The following KCNQ3 variants were observed in gnomAD, a reference collection of about 807,000 sequenced individuals.
KCNQ3 encodes potassium voltage-gated channel subfamily Q member 3.
Under a neutral mutation model 92.5 loss-of-function variants are expected in KCNQ3, and 30 were observed. The observed-to-expected ratio is 0.32, with a 90% CI of 0.24 to 0.44. The LOEUF (loss-of-function observed/expected upper bound fraction) is 0.44, where lower values mean the gene tolerates loss of function less well. Among genes scored for constraint, KCNQ3 ranks in the 20% least tolerant of loss-of-function variants. The pLI is 1.00. For synonymous variants in KCNQ3, 450 were observed against 468.8 expected (o/e 0.96, Z 0.52); for missense variants, 913 against 1,140.3 (o/e 0.80, Z 2.87).
At chr8:132,140,304 T>C (rs1825246042) in intron 10 of KCNQ3, 126 bp from the exon 11 acceptor site, 1 of 659,766 alleles carries the variant, frequency 1.5e-6, no homozygotes, top group Non-Finnish European at 2.7e-6. Context: ...ATTTCCACGT[T>C]GCAAGACTCC....
intron 1 of KCNQ3, among the ~76,000 whole-genome samples, chr8:132,477,350 T>TAAAAAA (rs5895143): frequency 7.0e-6 from 1 of 143,670 alleles, no homozygotes; most frequent in Non-Finnish European, 1.5e-5. Context: ...CATTTTAATT[T>TAAAAAA]AAAAAAAAAA....
At chr8:132,350,125 A>G (rs1256487183) in intron 1 of KCNQ3, among the ~76,000 whole-genome samples, 4 of 152,250 alleles carry the variant, frequency 2.6e-5, no homozygotes, top group African/African-American at 9.6e-5. Context: ...TGGCACACTT[A>G]GTGAGGTGAA....
In KCNQ3 at chr8:132,468,384, T is replaced by C. The variant is rs573659512; in HGVS notation, c.386+11763A>G. ...TCTTGTTGGATAAGATTTCACTCCATCTCTCCAAGAAGACACCATCAAGGC... is the reference window on the plus strand; with the variant it reads ...TCTTGTTGGATAAGATTTCACTCCACCTCTCCAAGAAGACACCATCAAGGC... On this transcript the variant is annotated intron_variant, in intron 1 of 14. Coordinates refer to ENST00000388996, the MANE Select transcript of KCNQ3 (RefSeq NM_004519.4). Among the ~76,000 whole-genome samples the C allele has an allele frequency of 7.9e-5, 12 of 152,258 alleles. No homozygotes were observed. The South Asian group carries it at 1.2e-3, about 16-fold the overall frequency.
chr8:132,267,362 G>A (rs752590068), intron 1 of KCNQ3, among the ~76,000 whole-genome samples: 3 of 152,074 alleles, frequency 2.0e-5, no homozygotes, highest in Non-Finnish European at 4.4e-5. Flanking sequence ...TATTGCCCAC[G>A]TCCTCTGTGC....
At chr8:132,214,701 C>T (rs1024965103) in intron 1 of KCNQ3, among the ~76,000 whole-genome samples, 1 of 152,226 alleles carries the variant, frequency 6.6e-6, no homozygotes, top group Non-Finnish European at 1.5e-5. Context: ...CATGGCAAAA[C>T]ATGTTTATGT....
At chr8:132,170,795 T>A (rs1229124955) in intron 7 of KCNQ3, among the ~76,000 whole-genome samples, 1 of 149,498 alleles carries the variant, frequency 6.7e-6, no homozygotes, top group Non-Finnish European at 1.5e-5. Flanking sequence ...GAGGATCACT[T>A]GAGGCCAAGA....
chr8:132,227,767 C>T (rs1814479398), intron 1 of KCNQ3, among the ~76,000 whole-genome samples: 1 of 152,146 alleles, frequency 6.6e-6, no homozygotes, highest in Non-Finnish European at 1.5e-5. Context: ...CCAGTGGTCA[C>T]ACCAGTTATA....
At chr8:132,344,998 T>C (rs1268781263) in intron 1 of KCNQ3, among the ~76,000 whole-genome samples, 3 of 152,180 alleles carry the variant, frequency 2.0e-5, no homozygotes, top group Non-Finnish European at 2.9e-5. Flanking sequence ...TTCAGCTCCA[T>C]GTGATCAATG....
intron 13 of KCNQ3, among the ~76,000 whole-genome samples, chr8:132,132,864 A>AT (rs1383228385): frequency 5.9e-5 from 9 of 151,866 alleles, no homozygotes; most frequent in African/African-American, 1.5e-4. Context: ...CAACATTTTT[A>AT]TTTTTTTTGC....
chr8:132,364,664 A>C (rs921510231), intron 1 of KCNQ3, among the ~76,000 whole-genome samples: 1 of 143,626 alleles, frequency 7.0e-6, no homozygotes, highest in African/African-American at 2.8e-5. Context: ...GGGTTTAGTA[A>C]ATGGATGGAC....
At chr8:132,406,582 GAC>G (rs1820488009) in intron 1 of KCNQ3, among the ~76,000 whole-genome samples, 2 of 151,418 alleles carry the variant, frequency 1.3e-5, no homozygotes, top group South Asian at 4.2e-4. Context: ...CACACAGAAA[GAC>G]ACAGGCACAC....
chr8:132,434,124 C>G (rs1182877666), intron 1 of KCNQ3, among the ~76,000 whole-genome samples: 1 of 148,402 alleles, frequency 6.7e-6, no homozygotes, highest in Non-Finnish European at 1.5e-5. Context: ...AGGAGAATGG[C>G]GTGAACCCGG....
chr8:132,443,763 C>A (rs948159787), intron 1 of KCNQ3, among the ~76,000 whole-genome samples: 3 of 151,842 alleles, frequency 2.0e-5, no homozygotes, highest in Non-Finnish European at 2.9e-5. Context: ...GTGTAGATTT[C>A]TACGGGGTGA....
chr8:132,434,224 AAAAT>A (rs200938141), intron 1 of KCNQ3, among the ~76,000 whole-genome samples: 2 of 150,372 alleles, frequency 1.3e-5, no homozygotes, highest in South Asian at 2.1e-4. Flanking sequence ...AAAAAAAAAA[AAAAT>A]AATAATAATA....
At chr8:132,465,732 A>G (rs1822157186) in intron 1 of KCNQ3, among the ~76,000 whole-genome samples, 6 of 152,020 alleles carry the variant, frequency 3.9e-5, no homozygotes, top group Admixed American at 3.3e-4. Flanking sequence ...CAACAGAGCG[A>G]AACTCCGTCT....
chr8:132,428,682 A>G (rs2130820786), intron 1 of KCNQ3, among the ~76,000 whole-genome samples: 1 of 152,364 alleles, frequency 6.6e-6, no homozygotes, highest in African/African-American at 2.4e-5. Context: ...GTTAAACTGT[A>G]TACGTACATT....
intron 13 of KCNQ3, among the ~76,000 whole-genome samples, chr8:132,133,908 A>G (rs1824971443): frequency 2.0e-5 from 3 of 152,160 alleles, no homozygotes; most frequent in Non-Finnish European, 4.4e-5. Flanking sequence ...TTGTCCTGGG[A>G]GGGGTATCAA....
intron 1 of KCNQ3, among the ~76,000 whole-genome samples, chr8:132,432,715 C>T (rs1371632887): frequency 6.6e-6 from 1 of 152,164 alleles, no homozygotes; most frequent in Non-Finnish European, 1.5e-5. Context: ...CCCTCACATC[C>T]TATCTCTGTC....
chr8:132,304,532 T>C (rs1455721501), intron 1 of KCNQ3, among the ~76,000 whole-genome samples: 1 of 152,172 alleles, frequency 6.6e-6, no homozygotes, highest in Non-Finnish European at 1.5e-5. Context: ...TCCAATACAG[T>C]AACCCTAACC....
Sources: allele counts gnomAD v4.1 joint callset (sites outside exome capture counted in the v4.1 genomes callset), GRCh38; gene constraint gnomAD v4.1.1; transcripts MANE v1.5; gene names NCBI Gene and HGNC (gene_info 2026-07-23, HGNC 2026-07-21).